The following FAM174B variants were observed in gnomAD, a reference collection of about 807,000 sequenced individuals.
The protein encoded by FAM174B is membrane protein FAM174B.
A neutral mutation model predicts 10.9 loss-of-function variants in FAM174B; 12 were observed. The observed-to-expected ratio is 1.10, with a 90% CI of 0.71 to 1.79. FAM174B has a LOEUF of 1.79. Ranked by LOEUF, FAM174B falls within the 40% of genes most tolerant of loss-of-function variation. The pLI, the probability that FAM174B is intolerant of heterozygous loss-of-function variation, is 0.00. For missense variants in FAM174B, 266 were observed against 233.3 expected (o/e 1.14, Z -0.91); for synonymous variants, 132 against 115.8 (o/e 1.14, Z -0.90).
chr15:92,651,823 A>G (rs1685825869), intron 1 of FAM174B, among the ~76,000 whole-genome samples: 1 of 152,012 alleles, frequency 6.6e-6, no homozygotes. Context: ...TACTTTAAGA[A>G]TGGAATCACT....
chr15:92,631,805 A>C (rs1229462673), intron 1 of FAM174B, among the ~76,000 whole-genome samples: 7 of 140,146 alleles, frequency 5.0e-5, no homozygotes, highest in Non-Finnish European at 4.6e-5. Flanking sequence ...CACAAACGCA[A>C]TATTTTAAGA....
intron 1 of FAM174B, among the ~76,000 whole-genome samples, chr15:92,650,630 G>A (rs573768200): frequency 2.2e-4 from 34 of 152,310 alleles, no homozygotes; most frequent in South Asian, 1.2e-3. Flanking sequence ...ATTCCTTCCA[G>A]AACTCAGACA....
chr15:92,625,320 TAAG>T (rs1370773101), intron 2 of FAM174B, among the ~76,000 whole-genome samples: 1 of 152,288 alleles, frequency 6.6e-6, no homozygotes, highest in South Asian at 2.1e-4. Context: ...ACCTGGGAAA[TAAG>T]AAGCAGGTTA....
In FAM174B at chr15:92,655,362, C is replaced by G; in HGVS notation, c.298G>C (p.Ala100Pro). ...TLKAAVIVAF[A>P]FTTLLIACLL... is the part of the protein sequence containing the mutation. ...CAGGCGATGAGGAGGGTGGTAAAGGCGAACGCCACGATCACGGCTGCCTTG... is the reference window on the plus strand; with the variant it reads ...CAGGCGATGAGGAGGGTGGTAAAGGGGAACGCCACGATCACGGCTGCCTTG... Residue 100 changes from alanine to proline, a missense_variant, in exon 1 of 3, where the codon GCC becomes CCC. By Grantham distance (27) the Ala-to-Pro change is conservative. Coordinates refer to ENST00000327355, the MANE Select transcript of FAM174B (RefSeq NM_207446.3). The G allele has an allele frequency of 6.3e-7, 1 of 1,589,678 alleles. No homozygotes were observed. The highest frequency in any genetic ancestry group is 1.4e-5 in the African/African-American group (1 of 72,422).
intron 1 of FAM174B, among the ~76,000 whole-genome samples, chr15:92,654,319 C>T (rs1238662057): frequency 5.3e-5 from 8 of 152,180 alleles, no homozygotes. Flanking sequence ...ACTGTGTGTA[C>T]GCTTGGAAGC....
chr15:92,650,094 CA>C (rs569606878), intron 1 of FAM174B, among the ~76,000 whole-genome samples: 4 of 151,976 alleles, frequency 2.6e-5, no homozygotes, highest in East Asian at 1.9e-4. Context: ...TAAGCAATGA[CA>C]AAAAAATTTT....
chr15:92,632,862 T>C (rs1157257449), intron 1 of FAM174B, among the ~76,000 whole-genome samples: 1 of 152,154 alleles, frequency 6.6e-6, no homozygotes, highest in African/African-American at 2.4e-5. Context: ...AGAGGGTCAC[T>C]GTGGGCTGCA....
At chr15:92,644,195 T>C (rs915551436) in intron 1 of FAM174B, among the ~76,000 whole-genome samples, 2 of 151,904 alleles carry the variant, frequency 1.3e-5, no homozygotes, top group African/African-American at 4.8e-5. Flanking sequence ...TGGAGGCCCC[T>C]GGACAATCAA....
intron 1 of FAM174B, among the ~76,000 whole-genome samples, chr15:92,646,764 T>C (rs1362894919): frequency 6.6e-6 from 1 of 152,248 alleles, no homozygotes; most frequent in Non-Finnish European, 1.5e-5. Context: ...TTCTAAGTTT[T>C]AGACAATAAC....
In FAM174B at chr15:92,618,165, A is replaced by T. The variant is rs1231650974; in HGVS notation, c.*1291T>A. On this transcript the variant is annotated 3_prime_UTR_variant, in exon 3 of 3. Coordinates refer to ENST00000327355, the MANE Select transcript of FAM174B (RefSeq NM_207446.3). ...GCCAGGAAAAAAGGGGGAGATAAAA[A>T]ATAAAAAAATAAAAAACACCTTTCT... The T allele has an allele frequency of 6.4e-6, 1 of 155,218 alleles. No individual in the cohort carries two copies. The highest frequency in any genetic ancestry group is 6.5e-5 in the Admixed American group (1 of 15,378). The allele number at this position is 155,218 out of a possible 1,614,324, so 9.6% of individuals were successfully genotyped here. A position where few individuals can be genotyped will look rare whatever the true frequency, so the allele number is the denominator to read the frequency against.
chr15:92,623,170 A>G (rs28434211), intron 2 of FAM174B, among the ~76,000 whole-genome samples: 1 of 151,370 alleles, frequency 6.6e-6, no homozygotes, highest in African/African-American at 2.4e-5. Flanking sequence ...AAAAAAAAAG[A>G]AAAAAGTGGC....
At position 92,631,791 on chromosome 15, in the gene FAM174B, C is replaced by T. The variant is rs182936627; in HGVS notation, c.345-1446G>A. ...GATCACAGGCGTTAGCCATTGCACC[C>T]GGCCACAAACGCAATATTTTAAGAA... On this transcript the variant is annotated intron_variant, in intron 1 of 2. Transcript: ENST00000327355. Among the ~76,000 whole-genome samples, 203 of 150,356 alleles carry T rather than the reference C, an allele frequency of 1.4e-3. 4 individuals carry two copies. The highest frequency in any genetic ancestry group is 2.8e-3 in the Admixed American group (42 of 14,786).
chr15:92,630,275 C>A lies in FAM174B; in HGVS notation c.415G>T (p.Ala139Ser). 6.2e-7 allele frequency: 1 copy of A among 1,613,792 alleles called. No homozygotes were observed. Among genetic ancestry groups the A allele is most frequent in the Non-Finnish European group, 8.5e-7 (1 of 1,179,756 alleles). Residue 139 changes from alanine to serine, a missense_variant, in exon 2 of 3, where the codon GCG becomes TCG. Physicochemically the swap from Ala to Ser is moderately conservative, Grantham distance 99. Coordinates refer to ENST00000327355, the MANE Select transcript of FAM174B (RefSeq NM_207446.3). ...TCATCATCCTCTTCATTTAGTGGCGCCATTTCCACTCGCTCTGCTGGAGTG... is the reference window on the plus strand; with the variant it reads ...TCATCATCCTCTTCATTTAGTGGCGACATTTCCACTCGCTCTGCTGGAGTG... ...ITTPAERVEM[A>S]PLNEEDDEDE...
intron 1 of FAM174B, chr15:92,653,052 T>C (rs1596304367): frequency 6.6e-6 from 1 of 152,172 alleles, no homozygotes; most frequent in Non-Finnish European, 1.5e-5. Context: ...CTGTGCACCA[T>C]CAGGGCCCTT....
chr15:92,638,857 C>T (rs1021643411), intron 1 of FAM174B, among the ~76,000 whole-genome samples: 3 of 152,192 alleles, frequency 2.0e-5, no homozygotes, highest in Admixed American at 6.5e-5. Flanking sequence ...ATCCCTGCCA[C>T]GGGGCACTGT....
chr15:92,648,599 C>T (rs916287403), intron 1 of FAM174B, among the ~76,000 whole-genome samples: 2 of 152,166 alleles, frequency 1.3e-5, no homozygotes, highest in South Asian at 4.1e-4. Flanking sequence ...GTGACCTTCA[C>T]CAAGCCTCCC....
chr15:92,623,371 ATT>A (rs2050732325), intron 2 of FAM174B, among the ~76,000 whole-genome samples: 1 of 152,134 alleles, frequency 6.6e-6, no homozygotes, highest in Admixed American at 6.5e-5. Context: ...TGCTAGTGAC[ATT>A]CCTGCTTCAT....
chr15:92,638,692 G>C (rs1383484617), intron 1 of FAM174B, among the ~76,000 whole-genome samples: 1 of 152,174 alleles, frequency 6.6e-6, no homozygotes, highest in African/African-American at 2.4e-5. Context: ...GCCAGGTGTG[G>C]TCCGGGTTCT....
At position 92,631,348 on chromosome 15, in the gene FAM174B, TAA is replaced by T. The variant is rs1443215008; in HGVS notation, c.345-1005_345-1004del. On this transcript the variant is annotated intron_variant, in intron 1 of 2. Transcript: ENST00000327355. ...TATATAATATATTATATATTATATA[TAA>T]TATATTATATATTATATTATATATA... Among the ~76,000 whole-genome samples, 8 of 20,652 alleles carry T rather than the reference TAA, an allele frequency of 3.9e-4. No homozygotes were observed. In the East Asian group the frequency reaches 8.3e-3, roughly 22 times the overall value. 13.5% of individuals were successfully genotyped at this position (20,652 alleles called of 152,430 possible).
Sources: gnomAD v4.1 joint callset for allele counts (sites outside exome capture counted in the v4.1 genomes callset) on GRCh38, gnomAD v4.1.1 for gene constraint, MANE v1.5 for transcripts, NCBI Gene and HGNC (gene_info 2026-07-23, HGNC 2026-07-21) for gene names.